GPC6: variants seen among roughly 807,000 people sequenced by gnomAD.
The protein encoded by GPC6 is glypican-6.
In GPC6, 14 loss-of-function variants were observed where a neutral mutation model predicts 55.2. That is an observed-to-expected ratio of 0.25 (90% CI 0.17 to 0.40). The LOEUF is 0.40. Ranked by LOEUF, GPC6 falls within the 10% of genes least tolerant of loss-of-function variation. The probability of loss-of-function intolerance (pLI) is 1.00; values close to 1 mark genes in which losing one functional copy is unlikely to be tolerated. For synonymous variants in GPC6, 278 were observed against 259.6 expected, an observed-to-expected ratio of 1.07 and a Z score of -0.68; for missense variants, 641 against 708.5, an observed-to-expected ratio of 0.90 and a Z score of 1.08.
At chr13:93,364,390 C>A (rs1052910620) in intron 1 of GPC6, among the ~76,000 whole-genome samples, 2 of 151,920 alleles carry the variant, frequency 1.3e-5, no homozygotes, top group African/African-American at 4.8e-5. Context: ...CAATGATGCA[C>A]GGTGAGTCAA....
At chr13:93,940,634 G>A (rs971194449) in intron 3 of GPC6, among the ~76,000 whole-genome samples, 7 of 152,112 alleles carry the variant, frequency 4.6e-5, no homozygotes, top group African/African-American at 9.7e-5. Context: ...ATGTGTGAAC[G>A]TTGTTTGTAT....
At chr13:94,241,958 G>A (rs1422034504) in intron 4 of GPC6, among the ~76,000 whole-genome samples, 1 of 151,496 alleles carries the variant, frequency 6.6e-6, no homozygotes, top group Non-Finnish European at 1.5e-5. Flanking sequence ...TAGGGTACAT[G>A]TGCACAACGT....
intron 1 of GPC6, among the ~76,000 whole-genome samples, chr13:93,447,202 C>T (rs894215300): frequency 1.3e-5 from 2 of 152,152 alleles, no homozygotes; most frequent in Non-Finnish European, 2.9e-5. Context: ...AGTGGCAAAA[C>T]AGTTACAGTA....
intron 1 of GPC6, among the ~76,000 whole-genome samples, chr13:93,256,981 C>G (rs866685478): frequency 1.3e-5 from 2 of 151,966 alleles, no homozygotes; most frequent in African/African-American, 2.4e-5. Flanking sequence ...ATCTTCCTTG[C>G]CTTTTGCCTG....
At chr13:93,231,836 A>C (rs538833981) in intron 1 of GPC6, among the ~76,000 whole-genome samples, 1 of 152,218 alleles carries the variant, frequency 6.6e-6, no homozygotes, top group South Asian at 2.1e-4. Context: ...TTATTTTGCA[A>C]CTTTTTCTGT....
chr13:93,713,251 A>T (rs1883135437), intron 2 of GPC6, among the ~76,000 whole-genome samples: 1 of 151,626 alleles, frequency 6.6e-6, no homozygotes, highest in South Asian at 2.1e-4. Flanking sequence ...CAAAGTAGTA[A>T]ACTCTAGGAG....
chr13:93,298,688 T>A (rs139813631), intron 1 of GPC6, among the ~76,000 whole-genome samples: 1 of 151,990 alleles, frequency 6.6e-6, no homozygotes, highest in Non-Finnish European at 1.5e-5. Context: ...GCTCAAGCAA[T>A]TGGCCCGCCT....
intron 6 of GPC6, among the ~76,000 whole-genome samples, chr13:94,338,763 C>A (rs927333845): frequency 6.6e-6 from 1 of 152,092 alleles, no homozygotes; most frequent in Non-Finnish European, 1.5e-5. Context: ...CTGTAGTAAA[C>A]CCATGTAAAA....
intron 4 of GPC6, among the ~76,000 whole-genome samples, chr13:94,156,346 G>C (rs543744): frequency 6.6e-6 from 1 of 151,852 alleles, no homozygotes; most frequent in South Asian, 2.1e-4. Flanking sequence ...GATCTGAAAG[G>C]GGTAATGAAT....
At chr13:94,231,624 G>A (rs72645993) in intron 4 of GPC6, among the ~76,000 whole-genome samples, 2 of 152,234 alleles carry the variant, frequency 1.3e-5, no homozygotes, top group Non-Finnish European at 2.9e-5. Flanking sequence ...CACAAATTGG[G>A]CGAAACATTT....
intron 1 of GPC6, among the ~76,000 whole-genome samples, chr13:93,313,583 C>T (rs1020741424): frequency 5.9e-5 from 9 of 152,084 alleles, no homozygotes; most frequent in African/African-American, 1.2e-4. Flanking sequence ...CTATCCACTC[C>T]GGTGTAACCC....
intron 1 of GPC6, among the ~76,000 whole-genome samples, chr13:93,445,192 T>C (rs1370124594): frequency 6.6e-6 from 1 of 152,166 alleles, no homozygotes; most frequent in Non-Finnish European, 1.5e-5. Context: ...TCTGGAGTAG[T>C]AAGGGATTTT....
intron 2 of GPC6, among the ~76,000 whole-genome samples, chr13:93,742,731 T>A (rs1884252540): frequency 6.6e-6 from 1 of 152,148 alleles, no homozygotes; most frequent in Non-Finnish European, 1.5e-5. Context: ...CTCATCAAAT[T>A]TGCTAATGAT....
Position 94,403,768 on chromosome 13 carries a change from C to T in GPC6, c.*551C>T. ...ATGGGGAGAAAGCTTAAAGTTTGTT[C>T]TAAATGTAGTGAAAATGCACTGTTG... On this transcript the variant is annotated 3_prime_UTR_variant, in exon 9 of 9. Coordinates refer to ENST00000377047, the MANE Select transcript of GPC6 (RefSeq NM_005708.5). The T allele has an allele frequency of 5.4e-6, 1 of 184,878 alleles. No individual in the cohort carries two copies. Among genetic ancestry groups the T allele is most frequent in the South Asian group, 1.1e-4 (1 of 8,804 alleles). The allele number at this position is 184,878 out of a possible 1,614,324, so 11.5% of individuals were successfully genotyped here. A position where few individuals can be genotyped will look rare whatever the true frequency, so the allele number is the denominator to read the frequency against.
chr13:93,915,902 G>A (rs983045990), intron 3 of GPC6, among the ~76,000 whole-genome samples: 3 of 152,182 alleles, frequency 2.0e-5, no homozygotes, highest in Non-Finnish European at 4.4e-5. Flanking sequence ...GGCTGCAGAG[G>A]AGCTAGAAGT....
chr13:93,535,961 C>T (rs1017705719), intron 1 of GPC6, among the ~76,000 whole-genome samples: 1 of 152,168 alleles, frequency 6.6e-6, no homozygotes, highest in Admixed American at 6.5e-5. Flanking sequence ...TACTCTCTCC[C>T]TCATGCTCTA....
chr13:94,274,918 A>G (rs1197799952), intron 4 of GPC6, among the ~76,000 whole-genome samples: 1 of 152,152 alleles, frequency 6.6e-6, no homozygotes, highest in African/African-American at 2.4e-5. Flanking sequence ...TAACACATCA[A>G]AAGCCACCAA....
At chr13:93,919,114 C>T (rs1389453139) in intron 3 of GPC6, among the ~76,000 whole-genome samples, 1 of 152,122 alleles carries the variant, frequency 6.6e-6, no homozygotes, top group East Asian at 1.9e-4. Context: ...TCAGTACCTC[C>T]TCCCTCTCTC....
chr13:93,522,723 C>T lies in GPC6; in HGVS notation c.161-22540C>T, dbSNP rs188665795. On this transcript the variant is annotated intron_variant, in intron 1 of 8. Coordinates refer to ENST00000377047, the MANE Select transcript of GPC6 (RefSeq NM_005708.5). ...GAGTAACTTTGGCTCTCACTGATTCCTTCCCGCTGCTCTGCAGATAGGCTA... is the reference window on the plus strand; with the variant it reads ...GAGTAACTTTGGCTCTCACTGATTCTTTCCCGCTGCTCTGCAGATAGGCTA... Among the ~76,000 whole-genome samples, 7 of 151,988 alleles carry T rather than the reference C, an allele frequency of 4.6e-5. No individual in the cohort carries two copies. The East Asian group carries it at 1.2e-3, about 25-fold the overall frequency.
Sources: allele counts gnomAD v4.1 joint callset (sites outside exome capture counted in the v4.1 genomes callset), GRCh38; gene constraint gnomAD v4.1.1; transcripts MANE v1.5; gene names NCBI Gene and HGNC (gene_info 2026-07-23, HGNC 2026-07-21).